RANBP17: variants seen among roughly 807,000 people sequenced by gnomAD.
RANBP17 encodes the protein RAN binding protein 17, also known as ran-binding protein 17.
In RANBP17, 158 loss-of-function variants were observed where a neutral mutation model predicts 141.2. The ratio of observed to expected loss-of-function variants is 1.12; its 90% confidence interval spans 0.98 to 1.28. RANBP17 has a LOEUF of 1.28. Among genes scored for constraint, RANBP17 ranks in the 50% most tolerant of loss-of-function variants. The pLI is 0.00. For missense variants in RANBP17, 1,438 were observed against 1,290.7 expected, an observed-to-expected ratio of 1.11 and a Z score of -1.75; for synonymous variants, 430 against 450.0, an observed-to-expected ratio of 0.96 and a Z score of 0.56.
At chr5:170,881,207 G>C (rs936004092) in intron 2 of RANBP17, among the ~76,000 whole-genome samples, 10 of 152,212 alleles carry the variant, frequency 6.6e-5, no homozygotes, top group African/African-American at 2.4e-4. Flanking sequence ...GCCATAGTTT[G>C]CCAGCCTCTG....
At chr5:171,205,760 G>A (rs577718081) in intron 20 of RANBP17, 148 bp downstream of exon 20, 4 of 717,162 alleles carry the variant, frequency 5.6e-6, no homozygotes, top group South Asian at 1.5e-5. Flanking sequence ...CAGCACAGTG[G>A]CAGCAGAGCA....
intron 14 of RANBP17, among the ~76,000 whole-genome samples, chr5:171,028,398 C>G (rs558791363): frequency 1.3e-5 from 2 of 152,126 alleles, no homozygotes; most frequent in Non-Finnish European, 2.9e-5. Flanking sequence ...ACATATTAGG[C>G]ACTGTTGTTT....
At chr5:171,099,986 T>A (rs138330669) in intron 14 of RANBP17, among the ~76,000 whole-genome samples, 1 of 152,042 alleles carries the variant, frequency 6.6e-6, no homozygotes, top group African/African-American at 2.4e-5. Context: ...TTTTTAATGT[T>A]TTGCTGGATT....
intron 17 of RANBP17, 29 bp from the exon 18 acceptor site, chr5:171,183,293 A>ACAAAG (rs2127919874): frequency 6.3e-7 from 1 of 1,586,448 alleles, no homozygotes; most frequent in African/African-American, 1.3e-5. Flanking sequence ...AAGTGTTAGT[A>ACAAAG]ACTTGGATTA....
intron 14 of RANBP17, among the ~76,000 whole-genome samples, chr5:171,139,889 G>A (rs1319406881): frequency 6.6e-6 from 1 of 152,064 alleles, no homozygotes; most frequent in Non-Finnish European, 1.5e-5. Context: ...TAGGTATGTG[G>A]CCCTTACTGG....
chr5:171,089,636 G>T (rs1304759123), intron 14 of RANBP17, among the ~76,000 whole-genome samples: 3 of 151,958 alleles, frequency 2.0e-5, no homozygotes, highest in African/African-American at 4.8e-5. Context: ...GACCCTCCGA[G>T]CCAGGTGTGG....
chr5:171,163,205 T>A (rs578155749), intron 14 of RANBP17, among the ~76,000 whole-genome samples: 2 of 152,334 alleles, frequency 1.3e-5, no homozygotes, highest in South Asian at 4.1e-4. Flanking sequence ...TATTTAGTGA[T>A]GTTATTTGAA....
At chr5:170,912,036 T>C (rs1481431765) in intron 7 of RANBP17, among the ~76,000 whole-genome samples, 1 of 151,918 alleles carries the variant, frequency 6.6e-6, no homozygotes, top group Non-Finnish European at 1.5e-5. Context: ...ACCAGAGTTT[T>C]TTTCCTCAAG....
At chr5:171,089,192 C>G (rs1025959578) in intron 14 of RANBP17, among the ~76,000 whole-genome samples, 1 of 143,942 alleles carries the variant, frequency 6.9e-6, no homozygotes, top group Non-Finnish European at 1.5e-5. Flanking sequence ...GGACCCTCAG[C>G]TGCAGGTCTG....
chr5:171,064,577 A>T (rs919614575), intron 14 of RANBP17, among the ~76,000 whole-genome samples: 1 of 152,118 alleles, frequency 6.6e-6, no homozygotes, highest in Non-Finnish European at 1.5e-5. Context: ...GCTCACTGCA[A>T]CCTTCTCCTT....
At chr5:171,093,749 C>G (rs1464269808) in intron 14 of RANBP17, among the ~76,000 whole-genome samples, 1 of 152,300 alleles carries the variant, frequency 6.6e-6, no homozygotes, top group African/African-American at 2.4e-5. Context: ...AGCAGTAATC[C>G]TTTATCTGCA....
chr5:171,145,504 C>T (rs766839496), intron 14 of RANBP17, among the ~76,000 whole-genome samples: 2 of 152,136 alleles, frequency 1.3e-5, no homozygotes, highest in African/African-American at 4.8e-5. Flanking sequence ...GCCCTTACTT[C>T]GTTCCAAGGT....
chr5:171,226,271 C>T (rs1763872348), intron 22 of RANBP17, among the ~76,000 whole-genome samples: 1 of 152,090 alleles, frequency 6.6e-6, no homozygotes, highest in Non-Finnish European at 1.5e-5. Context: ...CTTCTCTTTG[C>T]CTCTGGGTCC....
At chr5:171,145,763 G>A (rs894013990) in intron 14 of RANBP17, among the ~76,000 whole-genome samples, 1 of 152,084 alleles carries the variant, frequency 6.6e-6, no homozygotes, top group Non-Finnish European at 1.5e-5. Flanking sequence ...CCGCATAATG[G>A]GATCCATATT....
At chr5:171,032,683 T>C (rs1781626761) in intron 14 of RANBP17, among the ~76,000 whole-genome samples, 1 of 152,140 alleles carries the variant, frequency 6.6e-6, no homozygotes, top group South Asian at 2.1e-4. Flanking sequence ...GAGATTCCCG[T>C]CATCACTGTA....
At chr5:170,969,153 ATAATAATAATTGTG>A (rs1018640605) in intron 14 of RANBP17, among the ~76,000 whole-genome samples, 4 of 151,810 alleles carry the variant, frequency 2.6e-5, no homozygotes, top group African/African-American at 9.7e-5. Flanking sequence ...GGATTTTCTG[ATAATAATAATTGTG>A]TAGTAGTGTG....
At chr5:171,001,762 G>T (rs917335556) in intron 14 of RANBP17, among the ~76,000 whole-genome samples, 1 of 152,106 alleles carries the variant, frequency 6.6e-6, no homozygotes, top group Non-Finnish European at 1.5e-5. Context: ...AACTGCTTGG[G>T]TGATTTGACT....
In RANBP17 at chr5:171,256,077, G is replaced by C. The variant is rs570084395; in HGVS notation, c.2777-9604G>C. On this transcript the variant is annotated intron_variant, in intron 24 of 27. Transcript: ENST00000523189. ...GTATAGGGTTTTTTCTTTCCTTGAT[G>C]GCAGTAGAAAGACCACATTTTCATA... Among the ~76,000 whole-genome samples the C allele has an allele frequency of 1.4e-4, 22 of 152,222 alleles. No homozygotes were observed. In the South Asian group the frequency reaches 4.4e-3, roughly 30 times the overall value.
chr5:171,111,876 A>C (rs921781718), intron 14 of RANBP17, among the ~76,000 whole-genome samples: 2 of 152,190 alleles, frequency 1.3e-5, no homozygotes, highest in African/African-American at 4.8e-5. Context: ...TGAGCCACTT[A>C]TACTTAGGGA....
Sources: gnomAD v4.1 joint callset for allele counts (sites outside exome capture counted in the v4.1 genomes callset) on GRCh38, gnomAD v4.1.1 for gene constraint, MANE v1.5 for transcripts, NCBI Gene and HGNC (gene_info 2026-07-23, HGNC 2026-07-21) for gene names.